Variants in USH1C observed in about 807,000 individuals in gnomAD.
USH1C encodes USH1 protein network component harmonin.
Under a neutral mutation model 119.3 loss-of-function variants are expected in USH1C, and 90 were observed. The ratio of observed to expected loss-of-function variants is 0.75; its 90% confidence interval spans 0.64 to 0.90. USH1C has a LOEUF of 0.90. Among genes scored for constraint, USH1C ranks in the 40% least tolerant of loss-of-function variants. The pLI, the probability that USH1C is intolerant of heterozygous loss-of-function variation, is 0.00. For missense variants in USH1C, 1,165 were observed against 1,167.7 expected (o/e 1.00, Z 0.03); for synonymous variants, 465 against 443.3 (o/e 1.05, Z -0.62).
In USH1C at chr11:17,521,656, G is replaced by C. The variant is rs16934376; in HGVS notation, c.1020-245C>G. ...TGTGGGAGGAGGGAAGCAGATCCAT[G>C]TGAAGGCCACACTCCATGCACCCTC... is the stretch of plus-strand genomic sequence containing the variant. On this transcript the variant is annotated intron_variant, in intron 12 of 26. Transcript: ENST00000005226. Among the ~76,000 whole-genome samples, 8,680 of 152,116 alleles carry C rather than the reference G, an allele frequency of 0.057. 374 individuals are homozygous for C. The highest frequency in any genetic ancestry group is 0.23 in the South Asian group (1,115 of 4,804).
chr11:17,517,378 G>T (rs1005934271), intron 14 of USH1C: 3 of 1,565,440 alleles, frequency 1.9e-6, no homozygotes, highest in African/African-American at 1.4e-5. Context: ...AGCCAGGCCA[G>T]GGAGCAAAGC....
Position 17,533,301 on chromosome 11 carries a change from C to T in USH1C, c.58G>A (p.Asp20Asn). The T allele has an allele frequency of 6.2e-7, 1 of 1,613,524 alleles. No homozygotes were observed. The highest frequency in any genetic ancestry group is 8.5e-7 in the Non-Finnish European group (1 of 1,179,792). ...TCATAGAGATAGTCCTTCTCTGCAT[C>T]ATTTTCAATCAGAAAATCCACCTGG... ...RHKVDFLIEN[D>N]AEKDYLYDVL... The change falls in exon 2 of 27, where the codon GAT becomes AAT. Residue 20 changes from aspartate (D) to asparagine (N), a missense_variant. By Grantham distance (23) the Asp-to-Asn change is conservative. Coordinates refer to ENST00000005226, the MANE Select transcript of USH1C (RefSeq NM_153676.4).
intron 1 of USH1C, 23 bp from the exon 2 acceptor site, chr11:17,533,345 C>T (rs754807971): frequency 6.3e-7 from 1 of 1,584,056 alleles, no homozygotes; most frequent in Non-Finnish European, 8.6e-7. Flanking sequence ...ATAGCAGAAT[C>T]ACAGCTCCAG....
At chr11:17,501,208 G>C in intron 22 of USH1C, 58 bp from the exon 23 acceptor site, 1 of 1,380,380 alleles carries the variant, frequency 7.2e-7, no homozygotes. Flanking sequence ...GTGGACACCT[G>C]GGCACCAAGG....
intron 14 of USH1C, among the ~76,000 whole-genome samples, chr11:17,520,440 C>T (rs979551037): frequency 5.9e-5 from 9 of 152,168 alleles, no homozygotes; most frequent in African/African-American, 1.4e-4. Flanking sequence ...CAACCTTGGA[C>T]CACCAGAGCC....
chr11:17,498,413 T>C (rs1335861636), intron 23 of USH1C, 142 bp from the exon 24 acceptor site: 1 of 830,674 alleles, frequency 1.2e-6, no homozygotes, highest in Non-Finnish European at 2.1e-6. Context: ...TCAGAAAGCA[T>C]GAGGGGAAAC....
At chr11:17,534,197 C>T (rs1851132350) in intron 1 of USH1C, among the ~76,000 whole-genome samples, 2 of 152,226 alleles carry the variant, frequency 1.3e-5, no homozygotes, top group African/African-American at 4.8e-5. Context: ...CGGCCCAGGG[C>T]CTCAGCCCTT....
intron 18 of USH1C, among the ~76,000 whole-genome samples, chr11:17,508,094 A>G (rs59245243): frequency 0.035 from 5,374 of 152,234 alleles, 330 homozygotes; most frequent in African/African-American, 0.12. Context: ...AGTGGAATCA[A>G]ATTTGTTGAG....
At chr11:17,526,515 G>T (rs1850683009) in intron 7 of USH1C, 74 bp from the exon 8 acceptor site, 9 of 1,357,360 alleles carry the variant, frequency 6.6e-6, no homozygotes, top group Non-Finnish European at 8.3e-6. Context: ...TGTGGGATCT[G>T]CAGGGCGAGC....
At chr11:17,506,915 C>A (rs1265909056) in intron 18 of USH1C, among the ~76,000 whole-genome samples, 1 of 152,210 alleles carries the variant, frequency 6.6e-6, no homozygotes, top group African/African-American at 2.4e-5. Flanking sequence ...CAGTGCCCTG[C>A]ATAGTGCCTT....
At chr11:17,520,217 G>C (rs1850348897) in intron 14 of USH1C, among the ~76,000 whole-genome samples, 1 of 152,166 alleles carries the variant, frequency 6.6e-6, no homozygotes, top group African/African-American at 2.4e-5. Context: ...GGTGGTAGAG[G>C]CTTAGACTGA....
chr11:17,500,803 C>T (rs1397308806), intron 23 of USH1C, among the ~76,000 whole-genome samples: 4 of 152,164 alleles, frequency 2.6e-5, no homozygotes, highest in Non-Finnish European at 4.4e-5. Flanking sequence ...ATTCTGAGTC[C>T]GTCTCCCACC....
chr11:17,504,202 G>C (rs1286109139), intron 20 of USH1C, among the ~76,000 whole-genome samples: 1 of 152,184 alleles, frequency 6.6e-6, no homozygotes, highest in African/African-American at 2.4e-5. Flanking sequence ...CCTCCTCCCT[G>C]ACGCTGGTTC....
rs1011803363 is a variant in USH1C, at chr11:17,501,647, A to C, written c.2227-112T>G. The C allele has an allele frequency of 1.1e-5, 14 of 1,293,304 alleles. No individual in the cohort carries two copies. The South Asian group carries it at 1.8e-4, about 16-fold the overall frequency. The allele number at this position is 1,293,304 out of a possible 1,614,324, so 80.1% of individuals were successfully genotyped here. A position where few individuals can be genotyped will look rare whatever the true frequency, so the allele number is the denominator to read the frequency against. On this transcript the variant is annotated intron_variant, in intron 21 of 26. Coordinates refer to ENST00000005226, the MANE Select transcript of USH1C (RefSeq NM_153676.4). Reference sequence around the variant, plus strand: ...TGGGACACTGGGCCCCACAGAGCACATGGGCAAGGGGACCGTGCCCAGCCC... The same window carrying C: ...TGGGACACTGGGCCCCACAGAGCACCTGGGCAAGGGGACCGTGCCCAGCCC...
Position 17,533,268 on chromosome 11 carries a change from G to A in USH1C, c.91C>T (p.Arg31Ter), listed in dbSNP as rs121908370. Residue 31 changes from arginine (R) to a stop codon, truncating the protein, a stop_gained, in exon 2 of 27, where the codon CGA becomes TGA. Coordinates refer to ENST00000005226, the MANE Select transcript of USH1C (RefSeq NM_153676.4). LOFTEE classifies it high-confidence loss of function. ...CAGCACACTTACTGGTGGTACATTCGCAGCACATCATAGAGATAGTCCTTC... is the reference window on the plus strand; with the variant it reads ...CAGCACACTTACTGGTGGTACATTCACAGCACATCATAGAGATAGTCCTTC... ...AEKDYLYDVL[R>*]MYHQTMDVAV... The A allele has an allele frequency of 8.1e-6, 13 of 1,613,572 alleles. No homozygotes were observed. The highest frequency in any genetic ancestry group is 4.0e-5 in the African/African-American group (3 of 74,852).
intron 21 of USH1C, 50 bp from the exon 22 acceptor site, chr11:17,501,585 G>T: frequency 6.3e-7 from 1 of 1,580,110 alleles, no homozygotes; most frequent in Non-Finnish European, 8.6e-7. Flanking sequence ...GAAGGATGGC[G>T]CTTGGGGTAG....
chr11:17,522,749 G>A, intron 12 of USH1C, 35 bp downstream of exon 12: 1 of 1,613,388 alleles, frequency 6.2e-7, no homozygotes, highest in Non-Finnish European at 8.5e-7. Context: ...TGGGGTGGGA[G>A]GCGGGACAGG....
chr11:17,527,139 C>A, intron 5 of USH1C, 84 bp downstream of exon 5: 3 of 916,492 alleles, frequency 3.3e-6, no homozygotes, highest in African/African-American at 2.6e-5. Flanking sequence ...CCCTCCCTCC[C>A]ACCGTCATGG....
intron 4 of USH1C, among the ~76,000 whole-genome samples, chr11:17,530,728 G>A (rs1850926597): frequency 6.6e-6 from 1 of 152,198 alleles, no homozygotes; most frequent in Non-Finnish European, 1.5e-5. Context: ...GAACAGCAAA[G>A]CCAGAATTGA....
Sources: gnomAD v4.1 joint callset for allele counts (sites outside exome capture counted in the v4.1 genomes callset) on GRCh38, gnomAD v4.1.1 for gene constraint, MANE v1.5 for transcripts, NCBI Gene and HGNC (gene_info 2026-07-23, HGNC 2026-07-21) for gene names.